The following SRGAP2B variants were observed in gnomAD, a reference collection of about 807,000 sequenced individuals.
The protein encoded by SRGAP2B is SLIT-ROBO Rho GTPase activating protein 2B, also known as SLIT-ROBO Rho GTPase-activating protein 2B.
In SRGAP2B, 9 loss-of-function variants were observed where a neutral mutation model predicts 22.2. The ratio of observed to expected loss-of-function variants is 0.41; its 90% CI spans 0.24 to 0.71. The LOEUF is 0.71. Among genes scored for constraint, SRGAP2B ranks in the 30% least tolerant of loss-of-function variants. The probability of loss-of-function intolerance (pLI) is 0.35; values close to 1 mark genes in which losing one functional copy is unlikely to be tolerated. For synonymous variants in SRGAP2B, 36 were observed against 87.4 expected (o/e 0.41, Z 3.28); for missense variants, 114 against 235.8 (o/e 0.48, Z 3.38).
At chr1:144,996,073 C>G (rs1670653563) in intron 2 of SRGAP2B, among the ~76,000 whole-genome samples, 1 of 151,100 alleles carries the variant, frequency 6.6e-6, no homozygotes, top group African/African-American at 2.5e-5. Flanking sequence ...TTGTATGGAG[C>G]TAGCAAACAC....
intron 2 of SRGAP2B, among the ~76,000 whole-genome samples, chr1:145,064,555 AT>A (rs1165323106): frequency 7.0e-6 from 1 of 143,158 alleles, no homozygotes; most frequent in Non-Finnish European, 1.5e-5. Context: ...CAGTCTGGTG[AT>A]TTTTTCCCCC....
At chr1:144,994,017 T>C (rs1670464225) in intron 3 of SRGAP2B, among the ~76,000 whole-genome samples, 2 of 149,958 alleles carry the variant, frequency 1.3e-5, no homozygotes, top group South Asian at 4.2e-4. Flanking sequence ...GCATATTTTA[T>C]GGGTGGCCCA....
chr1:144,942,574 G>A (rs1280835980), intron 4 of SRGAP2B, among the ~76,000 whole-genome samples: 3 of 150,524 alleles, frequency 2.0e-5, no homozygotes, highest in East Asian at 2.0e-4. Flanking sequence ...AATACACCAC[G>A]ACGCCTGGCT....
intron 2 of SRGAP2B, among the ~76,000 whole-genome samples, chr1:145,025,925 G>A (rs587714697): frequency 1.1e-4 from 17 of 150,244 alleles, no homozygotes; most frequent in South Asian, 8.6e-4. Context: ...TGGTCTGGGG[G>A]TACCTACAAC....
intron 2 of SRGAP2B, among the ~76,000 whole-genome samples, chr1:145,045,126 C>CA (rs1469557686): frequency 3.0e-4 from 39 of 129,364 alleles, no homozygotes; most frequent in Non-Finnish European, 5.2e-4. Flanking sequence ...GCTAAAAATA[C>CA]AAAAAAAATT....
intron 4 of SRGAP2B, among the ~76,000 whole-genome samples, chr1:144,943,897 C>T (rs1194920891): frequency 6.6e-6 from 1 of 150,548 alleles, no homozygotes; most frequent in African/African-American, 2.5e-5. Context: ...GATAGTTGGT[C>T]GTCTTAGGTG....
chr1:144,944,669 G>C (rs11807185), intron 4 of SRGAP2B, among the ~76,000 whole-genome samples: 2 of 137,570 alleles, frequency 1.5e-5, no homozygotes, highest in African/African-American at 5.7e-5. Context: ...GTGAACAAAA[G>C]AAAGAATTGG....
At chr1:145,046,913 TG>T (rs1553628705) in intron 2 of SRGAP2B, among the ~76,000 whole-genome samples, 1 of 59,636 alleles carries the variant, frequency 1.7e-5, no homozygotes, top group African/African-American at 8.3e-5. Context: ...CGGTGGCTCA[TG>T]TCTGTAATCC....
chr1:145,086,850 AAAAG>A (rs1653482576), intron 2 of SRGAP2B, among the ~76,000 whole-genome samples: 1 of 44,468 alleles, frequency 2.2e-5, no homozygotes, highest in Non-Finnish European at 4.2e-5. Flanking sequence ...TCAACCTTAA[AAAAG>A]AAAGAAATTT....
intron 2 of SRGAP2B, among the ~76,000 whole-genome samples, chr1:144,995,778 A>C (rs1220395058): frequency 6.6e-6 from 1 of 150,940 alleles, no homozygotes; most frequent in Non-Finnish European, 1.5e-5. Flanking sequence ...TAACGGAGAT[A>C]GGAAGAAAAT....
At position 144,951,278 on chromosome 1, in the gene SRGAP2B, T is replaced by C. The variant is rs1415831670; in HGVS notation, c.423+4161A>G. 4.1e-5 allele frequency among the ~76,000 whole-genome samples: 6 copies of C among 144,972 alleles called. 1 individual carries two copies. The highest frequency in any genetic ancestry group is 1.1e-4 in the African/African-American group (4 of 37,504). On this transcript the variant is annotated intron_variant, in intron 4 of 9. Transcript: ENST00000612199. ...GCAGCCTCAAATTTCTGGGCTCAAGTGATCCTTCCCGTCTCAGCCTCCTGG... is the reference window on the plus strand; with the variant it reads ...GCAGCCTCAAATTTCTGGGCTCAAGCGATCCTTCCCGTCTCAGCCTCCTGG...
At chr1:145,017,606 A>AT (rs1672518252) in intron 2 of SRGAP2B, among the ~76,000 whole-genome samples, 1 of 146,802 alleles carries the variant, frequency 6.8e-6, no homozygotes, top group Non-Finnish European at 1.5e-5. Context: ...GACACTCAGT[A>AT]CAATGTACAA....
intron 2 of SRGAP2B, among the ~76,000 whole-genome samples, chr1:145,015,585 T>TCTTGC (rs1672358214): frequency 6.7e-6 from 1 of 149,606 alleles, no homozygotes; most frequent in Admixed American, 6.7e-5. Context: ...TATACAGAAA[T>TCTTGC]TGGTCTAGGG....
At chr1:144,933,134 C>T (rs1665335273) in intron 4 of SRGAP2B, among the ~76,000 whole-genome samples, 1 of 151,204 alleles carries the variant, frequency 6.6e-6, no homozygotes, top group Non-Finnish European at 1.5e-5. Flanking sequence ...TATTACGGGC[C>T]AGAAGGAGTC....
At chr1:144,967,682 A>T (rs1388122045) in intron 3 of SRGAP2B, among the ~76,000 whole-genome samples, 2 of 42,386 alleles carry the variant, frequency 4.7e-5, no homozygotes, top group East Asian at 8.4e-4. Context: ...AAAACCCTTC[A>T]AAAAATCAAT....
At chr1:145,011,995 T>C (rs1672089721) in intron 2 of SRGAP2B, among the ~76,000 whole-genome samples, 1 of 151,124 alleles carries the variant, frequency 6.6e-6, no homozygotes, top group East Asian at 1.9e-4. Flanking sequence ...TGCATATGCT[T>C]CCCTTCGCTG....
chr1:144,995,165 G>C lies in SRGAP2B; in HGVS notation c.103C>G (p.Leu35Val). ...ACCCGAAGCTCACACTGCTGGTCCAGGCATTTCATCTGCTCTGTGAGCTGA... is the reference window on the plus strand; with the variant it reads ...ACCCGAAGCTCACACTGCTGGTCCACGCATTTCATCTGCTCTGTGAGCTGA... The change falls in exon 3 of 10, where the codon CTG becomes GTG. Residue 35 changes from leucine to valine, a missense_variant. Leu to Val is a conservative substitution (Grantham distance 32, BLOSUM62 1). Transcript: ENST00000612199. The C allele has an allele frequency of 4.1e-6, 4 of 979,520 alleles. No individual in the cohort carries two copies. In the East Asian group the frequency reaches 1.1e-4, roughly 26 times the overall value. The allele number at this position is 979,520 out of a possible 1,614,324, so 60.7% of individuals were successfully genotyped here. A position where few individuals can be genotyped will look rare whatever the true frequency, so the allele number is the denominator to read the frequency against.
intron 2 of SRGAP2B, among the ~76,000 whole-genome samples, chr1:145,075,916 C>T (rs1183961457): frequency 1.3e-5 from 2 of 149,452 alleles, no homozygotes; most frequent in South Asian, 2.1e-4. Context: ...AGTGAAACCC[C>T]GTCTCTACTG....
intron 2 of SRGAP2B, among the ~76,000 whole-genome samples, chr1:144,999,222 G>C (rs1269157907): frequency 2.7e-5 from 4 of 150,424 alleles, no homozygotes; most frequent in Non-Finnish European, 5.9e-5. Flanking sequence ...TGGGGTCCTT[G>C]CCAGTTCCTT....
Sources: gnomAD v4.1 joint callset for allele counts (sites outside exome capture counted in the v4.1 genomes callset) on GRCh38, gnomAD v4.1.1 for gene constraint, MANE v1.5 for transcripts, NCBI Gene and HGNC (gene_info 2026-07-23, HGNC 2026-07-21) for gene names.